RBFOX1: variants seen among roughly 807,000 people sequenced by gnomAD.
The protein encoded by RBFOX1 is RNA binding fox-1 homolog 1.
RBFOX1 carries 8 observed loss-of-function variants against 57.7 expected under a neutral mutation model. The observed-to-expected ratio is 0.14, with a 90% confidence interval of 0.08 to 0.25. RBFOX1 has a LOEUF of 0.25. RBFOX1 is among the 10% of genes least tolerant of loss of function. RBFOX1 has a pLI of 1.00. For missense variants in RBFOX1, 611 were observed against 548.5 expected (o/e 1.11, Z -1.14); for synonymous variants, 326 against 222.4 (o/e 1.47, Z -4.15).
chr16:5,770,231 C>T (rs2053931737), intron 3 of RBFOX1, among the ~76,000 whole-genome samples: 1 of 151,454 alleles, frequency 6.6e-6, no homozygotes, highest in Non-Finnish European at 1.5e-5. Context: ...CACAACCCCG[C>T]TGATAAAAAT....
At chr16:7,613,592 A>T (rs1228906895) in intron 10 of RBFOX1, among the ~76,000 whole-genome samples, 1 of 152,114 alleles carries the variant, frequency 6.6e-6, no homozygotes, top group Non-Finnish European at 1.5e-5. Flanking sequence ...GCTTATCTCA[A>T]AAGGGCAACT....
chr16:7,422,833 C>T (rs1161642218), intron 4 of RBFOX1: 1 of 152,140 alleles, frequency 6.6e-6, no homozygotes, highest in Non-Finnish European at 1.5e-5. Flanking sequence ...TTTCCCATCC[C>T]CTTTGCCTTA....
chr16:5,479,707 C>T (rs1374337364), intron 2 of RBFOX1, among the ~76,000 whole-genome samples: 2 of 152,032 alleles, frequency 1.3e-5, no homozygotes, highest in Non-Finnish European at 2.9e-5. Context: ...TGCAGTGATC[C>T]AAGATCGCGC....
At chr16:7,510,136 A>G (rs1397603658) in intron 4 of RBFOX1, 11 of 985,560 alleles carry the variant, frequency 1.1e-5, no homozygotes, top group Non-Finnish European at 9.6e-6. Context: ...GTTGAGGGGG[A>G]GGTCAGCCAG....
chr16:7,150,183 A>T (rs1236741923), intron 4 of RBFOX1, among the ~76,000 whole-genome samples: 10 of 152,176 alleles, frequency 6.6e-5, no homozygotes, highest in Non-Finnish European at 1.5e-5. Context: ...GAACATGCAC[A>T]TCCGAAGGAC....
At chr16:5,792,517 G>C (rs148968937) in intron 3 of RBFOX1, among the ~76,000 whole-genome samples, 1,732 of 152,264 alleles carry the variant, frequency 0.011, 16 homozygotes, top group Non-Finnish European at 0.02. Flanking sequence ...TTATGATAAG[G>C]TAAGGTAGAG....
At chr16:5,522,106 G>A (rs561888295) in intron 2 of RBFOX1, among the ~76,000 whole-genome samples, 1 of 152,340 alleles carries the variant, frequency 6.6e-6, no homozygotes, top group African/African-American at 2.4e-5. Flanking sequence ...AGGCTCTCTG[G>A]AGTAAGCTCA....
rs189776299 is a variant in RBFOX1, at chr16:5,757,706, A to T, written c.319-109597A>T. Among the ~76,000 whole-genome samples, 18 of 152,342 alleles carry T rather than the reference A, an allele frequency of 1.2e-4. No homozygotes were observed. In the East Asian group the frequency reaches 3.5e-3, roughly 29 times the overall value. The stretch of plus-strand genomic sequence containing the variant: ...TGTGATTTTATTTAATTCTTACAAC[A>T]GTGCTATGAAGTTGGTCCTCATCCC... On this transcript the variant is annotated intron_variant, in intron 3 of 19. Coordinates refer to the RBFOX1 transcript ENST00000641259.
chr16:7,005,000 A>C (rs997433512), intron 3 of RBFOX1, among the ~76,000 whole-genome samples: 3 of 152,084 alleles, frequency 2.0e-5, no homozygotes, highest in Non-Finnish European at 4.4e-5. Context: ...AAAAATTAGC[A>C]GAGCATGATG....
At chr16:6,021,451 C>G (rs957733203) in intron 1 of RBFOX1, among the ~76,000 whole-genome samples, 7 of 152,138 alleles carry the variant, frequency 4.6e-5, no homozygotes, top group African/African-American at 1.7e-4. Context: ...TAGCTAAGAT[C>G]TTTTATGTTC....
At chr16:6,769,416 T>C (rs553756011) in intron 3 of RBFOX1, among the ~76,000 whole-genome samples, 1 of 152,214 alleles carries the variant, frequency 6.6e-6, no homozygotes, top group Non-Finnish European at 1.5e-5. Context: ...AATACAGCAG[T>C]ACATCAGGAA....
In RBFOX1 at chr16:6,066,293, C is replaced by CAAAAAAAAAAAAAA. The variant is rs372412356; in HGVS notation, c.-127+46315_-127+46328dup. Among the ~76,000 whole-genome samples the CAAAAAAAAAAAAAA allele has an allele frequency of 1.6e-3, 81 of 50,372 alleles. 4 individuals carry two copies. Among genetic ancestry groups the CAAAAAAAAAAAAAA allele is most frequent in the Admixed American group, 2.4e-3 (8 of 3,294 alleles). The allele number at this position is 50,372 out of a possible 152,430, so 33.0% of individuals were successfully genotyped here. ...CTGACTACAGAGCAAGACTCTGTCT[C>CAAAAAAAAAAAAAA]AAAAAAAAAAAAAAAAAAAAAAAAA... On this transcript the variant is annotated intron_variant, in intron 1 of 15. Coordinates refer to ENST00000550418, the MANE Select transcript of RBFOX1 (RefSeq NM_018723.4).
chr16:7,110,595 G>C (rs1042003390), intron 4 of RBFOX1, among the ~76,000 whole-genome samples: 3 of 152,162 alleles, frequency 2.0e-5, no homozygotes, highest in Admixed American at 6.5e-5. Flanking sequence ...TGGGCACGAA[G>C]ATTAGTGTAG....
Position 6,020,841 on chromosome 16 carries a change from G to A in RBFOX1, c.-127+849G>A, listed in dbSNP as rs191255765. 3.9e-4 allele frequency among the ~76,000 whole-genome samples: 60 copies of A among 152,274 alleles called. 1 individual carries two copies. Among genetic ancestry groups the A allele is most frequent in the African/African-American group, 1.2e-3 (49 of 41,560 alleles). On this transcript the variant is annotated intron_variant, in intron 1 of 15. Coordinates refer to ENST00000550418, the MANE Select transcript of RBFOX1 (RefSeq NM_018723.4). Reference sequence around the variant, plus strand: ...CTGGAGCCTCCCTGGCGCCAGCTGCGGGGACCAGGTGTCACGCGGAGCCCG... The same window carrying A: ...CTGGAGCCTCCCTGGCGCCAGCTGCAGGGACCAGGTGTCACGCGGAGCCCG...
intron 1 of RBFOX1, among the ~76,000 whole-genome samples, chr16:6,306,954 T>C (rs527246863): frequency 7.9e-5 from 12 of 152,114 alleles, no homozygotes; most frequent in African/African-American, 2.7e-4. Flanking sequence ...GCTTATACCT[T>C]CTCTCCTTTT....
chr16:6,067,722 G>T (rs949270153), intron 1 of RBFOX1, among the ~76,000 whole-genome samples: 1 of 152,166 alleles, frequency 6.6e-6, no homozygotes. Flanking sequence ...ATTTGAGGAA[G>T]AGCTGTTACT....
At chr16:6,377,873 C>A (rs1399461467) in intron 2 of RBFOX1, among the ~76,000 whole-genome samples, 2 of 152,126 alleles carry the variant, frequency 1.3e-5, no homozygotes, top group African/African-American at 4.8e-5. Context: ...TGCTGGCCTC[C>A]CTGCTCCCAG....
intron 7 of RBFOX1, 87 bp from the exon 8 acceptor site, chr16:7,595,462 G>C (rs932585844): frequency 9.4e-6 from 10 of 1,064,052 alleles, no homozygotes; most frequent in African/African-American, 8.0e-5. Flanking sequence ...ACAAGAAATA[G>C]AAATTAAAGC....
chr16:5,247,512 A>G (rs1364410150), intron 1 of RBFOX1, among the ~76,000 whole-genome samples: 3 of 152,170 alleles, frequency 2.0e-5, no homozygotes, highest in Admixed American at 6.5e-5. Flanking sequence ...CTGCTGGTCT[A>G]CAAGATGGAT....
Sources: allele counts gnomAD v4.1 joint callset (sites outside exome capture counted in the v4.1 genomes callset), GRCh38; gene constraint gnomAD v4.1.1; transcripts MANE v1.5; gene names NCBI Gene and HGNC (gene_info 2026-07-23, HGNC 2026-07-21).